THSD7B: variants seen among roughly 807,000 people sequenced by gnomAD.
THSD7B encodes the protein thrombospondin type 1 domain containing 7B.
THSD7B carries 138 observed loss-of-function variants against 213.6 expected under a neutral mutation model. That is an observed-to-expected ratio of 0.65 (90% CI 0.56 to 0.74). The LOEUF (loss-of-function observed/expected upper bound fraction) is 0.74. THSD7B is among the 30% of genes least tolerant of loss of function. The probability of loss-of-function intolerance (pLI) is 0.00; values close to 1 mark genes in which losing one functional copy is unlikely to be tolerated. For missense variants in THSD7B, 1,931 were observed against 1,991.5 expected, an observed-to-expected ratio of 0.97 and a Z score of 0.58; for synonymous variants, 742 against 687.0, an observed-to-expected ratio of 1.08 and a Z score of -1.25.
chr2:137,672,668 C>T (rs181609475), intron 27 of THSD7B, among the ~76,000 whole-genome samples: 1 of 152,156 alleles, frequency 6.6e-6, no homozygotes, highest in East Asian at 1.9e-4. Flanking sequence ...TATATTTTTG[C>T]CAAAAACAGA....
At position 137,118,649 on chromosome 2, in the gene THSD7B, GC is replaced by G. The variant is rs377716516; in HGVS notation, c.1369+3361del. Among the ~76,000 whole-genome samples the G allele has an allele frequency of 4.2e-3, 640 of 152,138 alleles. 3 individuals are homozygous for G. Among genetic ancestry groups the G allele is most frequent in the African/African-American group, 0.015 (615 of 41,486 alleles). Reference sequence around the variant, plus strand: ...CTCTGAATTGTTAAATGCATTAGTTGCCCCCTCTGCACTAATAAGATTGTCT... The same window carrying G: ...CTCTGAATTGTTAAATGCATTAGTTGCCCCTCTGCACTAATAAGATTGTCT... On this transcript the variant is annotated intron_variant, in intron 5 of 27. Transcript: ENST00000409968.
chr2:137,359,268 G>A (rs529243761), intron 12 of THSD7B, among the ~76,000 whole-genome samples: 34 of 152,326 alleles, frequency 2.2e-4, no homozygotes, highest in East Asian at 5.8e-4. Context: ...GTCCAGGAGC[G>A]AGGGCAAGCC....
intron 20 of THSD7B, among the ~76,000 whole-genome samples, chr2:137,640,020 T>C (rs1334448411): frequency 1.3e-5 from 2 of 152,014 alleles, no homozygotes; most frequent in Non-Finnish European, 2.9e-5. Context: ...TGGGGAGCCA[T>C]TATTGGTTTT....
intron 12 of THSD7B, among the ~76,000 whole-genome samples, chr2:137,303,742 A>ATATATATT (rs1558749719): frequency 8.5e-6 from 1 of 117,570 alleles, no homozygotes; most frequent in African/African-American, 3.8e-5. Flanking sequence ...ATATATATTT[A>ATATATATT]TATATATATA....
chr2:137,077,604 T>G (rs910084325), intron 3 of THSD7B, among the ~76,000 whole-genome samples: 13 of 152,310 alleles, frequency 8.5e-5, no homozygotes, highest in African/African-American at 2.9e-4. Flanking sequence ...TCATGTGTCT[T>G]TTGCTGCATA....
At chr2:136,877,064 G>A (rs1412104730) in intron 1 of THSD7B, among the ~76,000 whole-genome samples, 6 of 151,664 alleles carry the variant, frequency 4.0e-5, no homozygotes, top group African/African-American at 1.5e-4. Flanking sequence ...TGTGCAGGTG[G>A]GTTCCAGTGC....
chr2:137,340,971 TTC>T (rs931420602), intron 12 of THSD7B, among the ~76,000 whole-genome samples: 18 of 135,846 alleles, frequency 1.3e-4, no homozygotes, highest in African/African-American at 4.7e-4. Flanking sequence ...CATACTCTAA[TTC>T]TCTTTTTGTT....
intron 17 of THSD7B, among the ~76,000 whole-genome samples, chr2:137,586,476 G>C (rs937014486): frequency 3.9e-5 from 6 of 152,184 alleles, no homozygotes; most frequent in Admixed American, 1.3e-4. Context: ...GGTGGTACCG[G>C]TTGTTCCTTT....
At chr2:136,856,020 C>A (rs1157838163) in intron 1 of THSD7B, among the ~76,000 whole-genome samples, 1 of 152,158 alleles carries the variant, frequency 6.6e-6, no homozygotes, top group Non-Finnish European at 1.5e-5. Context: ...TACGTTCATA[C>A]TCCCATAAGC....
intron 7 of THSD7B, among the ~76,000 whole-genome samples, chr2:137,194,010 A>T (rs1230322978): frequency 6.6e-6 from 1 of 152,082 alleles, no homozygotes; most frequent in Non-Finnish European, 1.5e-5. Flanking sequence ...GGTTCTTGTA[A>T]TGATTAATGG....
At chr2:136,965,160 T>C (rs1424860485) in intron 2 of THSD7B, among the ~76,000 whole-genome samples, 1 of 152,240 alleles carries the variant, frequency 6.6e-6, no homozygotes, top group East Asian at 1.9e-4. Flanking sequence ...TAATCAGTTC[T>C]TTGTCTTCAT....
At chr2:137,293,463 G>A (rs1683386084) in intron 12 of THSD7B, among the ~76,000 whole-genome samples, 1 of 151,962 alleles carries the variant, frequency 6.6e-6, no homozygotes, top group African/African-American at 2.4e-5. Flanking sequence ...CTCCTATTCT[G>A]TGAAATACCT....
At chr2:137,438,347 C>T (rs987464566) in intron 14 of THSD7B, among the ~76,000 whole-genome samples, 1 of 152,034 alleles carries the variant, frequency 6.6e-6, no homozygotes, top group Non-Finnish European at 1.5e-5. Flanking sequence ...TGGTCAATAC[C>T]GTTTAATGCT....
chr2:137,346,851 C>T (rs911164761), intron 12 of THSD7B, among the ~76,000 whole-genome samples: 1 of 151,638 alleles, frequency 6.6e-6, no homozygotes, highest in African/African-American at 2.4e-5. Flanking sequence ...AGGTTGCTTC[C>T]ACTACTTGGC....
At chr2:137,650,059 G>T (rs999288231) in intron 21 of THSD7B, among the ~76,000 whole-genome samples, 2 of 152,094 alleles carry the variant, frequency 1.3e-5, no homozygotes, top group African/African-American at 4.8e-5. Flanking sequence ...TCCCGATTAT[G>T]CCACTGCATT....
In THSD7B at chr2:137,590,792, G is replaced by GTTTTTT. The variant is rs1215185747; in HGVS notation, c.3423+18252_3423+18257dup. 4.5e-4 allele frequency among the ~76,000 whole-genome samples: 40 copies of GTTTTTT among 88,704 alleles called. 1 individual carries two copies. Among genetic ancestry groups the GTTTTTT allele is most frequent in the Non-Finnish European group, 5.8e-4 (25 of 43,474 alleles). The allele number at this position is 88,704 out of a possible 152,430, so 58.2% of individuals were successfully genotyped here. On this transcript the variant is annotated intron_variant, in intron 17 of 27. Transcript: ENST00000409968. ...GCATTTTTCCCTCTGCTTTGAAATA[G>GTTTTTT]TTTTTTTTTTTTTTTTTTTTTAGCT...
At chr2:137,246,466 G>A (rs1384200644) in intron 10 of THSD7B, among the ~76,000 whole-genome samples, 1 of 152,170 alleles carries the variant, frequency 6.6e-6, no homozygotes, top group Non-Finnish European at 1.5e-5. Context: ...ATGGGACCAA[G>A]TGCACCAGCA....
chr2:137,373,403 G>T (rs1573990962), intron 12 of THSD7B, among the ~76,000 whole-genome samples: 1 of 152,208 alleles, frequency 6.6e-6, no homozygotes, highest in Non-Finnish European at 1.5e-5. Context: ...ACTGGTGTGA[G>T]ATGGTATCTC....
intron 7 of THSD7B, among the ~76,000 whole-genome samples, chr2:137,227,497 G>T (rs1021381583): frequency 3.6e-4 from 55 of 152,072 alleles, no homozygotes; most frequent in African/African-American, 1.3e-3. Context: ...AACTATGTAG[G>T]GCTTTATTTT....
Sources: gnomAD v4.1 joint callset for allele counts (sites outside exome capture counted in the v4.1 genomes callset) on GRCh38, gnomAD v4.1.1 for gene constraint, MANE v1.5 for transcripts, NCBI Gene and HGNC (gene_info 2026-07-23, HGNC 2026-07-21) for gene names.